ARFGAP3: variants seen among roughly 807,000 people sequenced by gnomAD.
ARFGAP3 encodes the protein ARF GTPase activating protein 3.
Under a neutral mutation model 75.0 loss-of-function variants are expected in ARFGAP3, and 72 were observed. The observed-to-expected ratio is 0.96, with a 90% CI of 0.79 to 1.17. The LOEUF is 1.17. Ranked by LOEUF, ARFGAP3 falls within the 50% of genes most tolerant of loss-of-function variation. ARFGAP3 has a pLI of 0.00. For synonymous variants in ARFGAP3, 221 were observed against 217.9 expected (o/e 1.01, Z -0.13); for missense variants, 620 against 626.6 (o/e 0.99, Z 0.11).
rs1458473223 is a variant in ARFGAP3 at position 42,857,254 on chromosome 22, A to G, written c.-72T>C. Reference sequence around the variant, plus strand: ...GTCGACGAAAAGCGGCTACCGCCTCAGCAGGAGCGACGAGGCCGCGGGGGC... The same window carrying G: ...GTCGACGAAAAGCGGCTACCGCCTCGGCAGGAGCGACGAGGCCGCGGGGGC... On this transcript the variant is annotated 5_prime_UTR_variant, in exon 1 of 16. Coordinates refer to ENST00000263245, the MANE Select transcript of ARFGAP3 (RefSeq NM_014570.5). 16 of 1,477,196 alleles carry G rather than the reference A, an allele frequency of 1.1e-5. No individual in the cohort carries two copies. In the South Asian group the frequency reaches 1.9e-4, roughly 18 times the overall value. 91.5% of individuals were successfully genotyped at this position (1,477,196 alleles called of 1,614,324 possible). A position where few individuals can be genotyped will look rare whatever the true frequency, so the allele number is the denominator to read the frequency against.
chr22:42,831,856 C>A lies in ARFGAP3; in HGVS notation c.478-220G>T, dbSNP rs868355004. 31 of 573,316 alleles carry A rather than the reference C, an allele frequency of 5.4e-5. No homozygotes were observed. The Middle Eastern group carries it at 5.3e-3, about 99-fold the overall frequency. 35.5% of individuals were successfully genotyped at this position (573,316 alleles called of 1,614,324 possible). A position where few individuals can be genotyped will look rare whatever the true frequency, so the allele number is the denominator to read the frequency against. ...AGAGTGCAGAAGCACAATCACAGCT[C>A]ACTGGAGCCTTGACCTCCCAGGCTC... On this transcript the variant is annotated intron_variant, in intron 5 of 15. Coordinates refer to ENST00000263245, the MANE Select transcript of ARFGAP3 (RefSeq NM_014570.5).
chr22:42,810,752 GC>G, intron 12 of ARFGAP3, 60 bp downstream of exon 12: 1 of 1,453,140 alleles, frequency 6.9e-7, no homozygotes. Flanking sequence ...CATGTTATCA[GC>G]AATTTTTTCC....
intron 14 of ARFGAP3, among the ~76,000 whole-genome samples, chr22:42,804,363 C>T (rs1925020016): frequency 6.7e-6 from 1 of 149,978 alleles, no homozygotes; most frequent in Admixed American, 6.8e-5. Flanking sequence ...GCGCCCACCA[C>T]CACACCCAGC....
At chr22:42,822,101 C>T (rs978460609) in intron 9 of ARFGAP3, among the ~76,000 whole-genome samples, 169 bp downstream of exon 9, 15 of 152,140 alleles carry the variant, frequency 9.9e-5, no homozygotes, top group Admixed American at 2.0e-4. Flanking sequence ...CCCATCGTCT[C>T]TTTCCCTTCC....
intron 13 of ARFGAP3, among the ~76,000 whole-genome samples, chr22:42,807,685 TAGTC>T (rs1925187471): frequency 2.0e-5 from 3 of 151,908 alleles, no homozygotes; most frequent in South Asian, 2.1e-4. Flanking sequence ...ATCATCCAAA[TAGTC>T]AGAGGCACAC....
intron 11 of ARFGAP3, among the ~76,000 whole-genome samples, chr22:42,812,382 G>A (rs960156987): frequency 6.6e-6 from 1 of 152,124 alleles, no homozygotes; most frequent in African/African-American, 2.4e-5. Context: ...GGAAAGGAAG[G>A]GTGACAGAAG....
chr22:42,810,994 C>T (rs757990466), intron 11 of ARFGAP3, 50 bp from the exon 12 acceptor site: 9 of 1,592,008 alleles, frequency 5.7e-6, no homozygotes, highest in South Asian at 1.1e-5. Context: ...TGTTGACACT[C>T]GTCCTGGGCT....
intron 6 of ARFGAP3, among the ~76,000 whole-genome samples, chr22:42,827,550 G>C (rs1926097328): frequency 6.6e-6 from 1 of 152,166 alleles, no homozygotes; most frequent in African/African-American, 2.4e-5. Context: ...ATTTTTAGTA[G>C]AGATGGGGTT....
intron 11 of ARFGAP3, among the ~76,000 whole-genome samples, chr22:42,813,266 G>T (rs904723014): frequency 1.3e-5 from 2 of 152,208 alleles, no homozygotes; most frequent in Non-Finnish European, 2.9e-5. Flanking sequence ...AGCCTCAGAA[G>T]CTGCATTAAT....
intron 14 of ARFGAP3, among the ~76,000 whole-genome samples, chr22:42,803,254 T>C (rs919876786): frequency 3.9e-5 from 6 of 152,280 alleles, no homozygotes; most frequent in African/African-American, 1.4e-4. Flanking sequence ...ACAGCTATAC[T>C]GTCTGACAAG....
chr22:42,810,422 C>G (rs939801647), intron 12 of ARFGAP3, among the ~76,000 whole-genome samples: 2 of 152,074 alleles, frequency 1.3e-5, no homozygotes, highest in African/African-American at 4.8e-5. Context: ...TGAGATTGCA[C>G]CACTGCACTC....
At position 42,807,683 on chromosome 22, in the gene ARFGAP3, A is replaced by G. The variant is rs541822012; in HGVS notation, c.1321-520T>C. Among the ~76,000 whole-genome samples the G allele has an allele frequency of 9.9e-5, 15 of 152,174 alleles. 1 individual carries two copies. In the South Asian group the frequency reaches 2.9e-3, roughly 29 times the overall value. ...GCACATTTTAGGAAACCATCATCCAAATAGTCAGAGGCACACTAGCAATTC... is the reference window on the plus strand; with the variant it reads ...GCACATTTTAGGAAACCATCATCCAGATAGTCAGAGGCACACTAGCAATTC... On this transcript the variant is annotated intron_variant, in intron 13 of 15. Transcript: ENST00000263245.
At chr22:42,807,801 CT>C (rs111653734) in intron 13 of ARFGAP3, among the ~76,000 whole-genome samples, 384 of 143,174 alleles carry the variant, frequency 2.7e-3, no homozygotes, top group Middle Eastern at 0.011. Context: ...ACATTTCTTT[CT>C]TTTTTTTTTT....
At chr22:42,846,724 A>C (rs1032737261) in intron 2 of ARFGAP3, among the ~76,000 whole-genome samples, 11 of 152,236 alleles carry the variant, frequency 7.2e-5, no homozygotes, top group African/African-American at 2.7e-4. Context: ...GTGTCTCATC[A>C]TTGACATAAA....
chr22:42,811,826 G>A (rs1243516939), intron 11 of ARFGAP3, among the ~76,000 whole-genome samples: 1 of 152,166 alleles, frequency 6.6e-6, no homozygotes, highest in Non-Finnish European at 1.5e-5. Context: ...AGCAAGGTCT[G>A]CCTGGAACAG....
rs1924649845 is a variant in ARFGAP3 at position 42,797,402 on chromosome 22, C to T, written c.*186G>A. ...AGGAAGGAACGTGAAACAGAAATCA[C>T]AGGAAAGCTCCTACATCAGAACTCA... On this transcript the variant is annotated 3_prime_UTR_variant, in exon 16 of 16. Coordinates refer to ENST00000263245, the MANE Select transcript of ARFGAP3 (RefSeq NM_014570.5). 2.9e-6 allele frequency: 2 copies of T among 697,866 alleles called. No homozygotes were observed. The highest frequency in any genetic ancestry group is 4.8e-6 in the Non-Finnish European group (2 of 418,960). 43.2% of individuals were successfully genotyped at this position (697,866 alleles called of 1,614,324 possible). A position where few individuals can be genotyped will look rare whatever the true frequency, so the allele number is the denominator to read the frequency against.
Position 42,797,618 on chromosome 22 carries a change from C to T in ARFGAP3, c.1534-13G>A, listed in dbSNP as rs758894856. The T allele has an allele frequency of 6.2e-7, 1 of 1,613,990 alleles. No homozygotes were observed. Among genetic ancestry groups the T allele is most frequent in the Non-Finnish European group, 8.5e-7 (1 of 1,179,922 alleles). On this transcript the variant is annotated splice_polypyrimidine_tract_variant and intron_variant, in intron 15 of 15. Coordinates refer to ENST00000263245, the MANE Select transcript of ARFGAP3 (RefSeq NM_014570.5). ...AACCGTAGCGATCCTGAAGAGAGAACCAAAATGGAAGTTCACGACCATTCA... is the reference window on the plus strand; with the variant it reads ...AACCGTAGCGATCCTGAAGAGAGAATCAAAATGGAAGTTCACGACCATTCA...
intron 4 of ARFGAP3, 188 bp from the exon 5 acceptor site, chr22:42,834,513 C>T (rs997936277): frequency 1.9e-5 from 14 of 735,022 alleles, no homozygotes; most frequent in Non-Finnish European, 2.3e-5. Flanking sequence ...GTAAATTTTG[C>T]TTCCAAACCT....
chr22:42,844,679 G>A (rs984690424), intron 2 of ARFGAP3, among the ~76,000 whole-genome samples: 1 of 151,968 alleles, frequency 6.6e-6, no homozygotes, highest in Non-Finnish European at 1.5e-5. Flanking sequence ...GGGATTACAG[G>A]TGTGAACCAC....
Sources: allele counts gnomAD v4.1 joint callset (sites outside exome capture counted in the v4.1 genomes callset), GRCh38; gene constraint gnomAD v4.1.1; transcripts MANE v1.5; gene names NCBI Gene and HGNC (gene_info 2026-07-23, HGNC 2026-07-21).